Variants in MAML3 observed in about 807,000 individuals in gnomAD.
MAML3 encodes the protein mastermind like transcriptional coactivator 3, also known as mastermind-like protein 3.
In MAML3, 27 loss-of-function variants were observed where a neutral mutation model predicts 101.9. The ratio of observed to expected loss-of-function variants is 0.27; its 90% CI spans 0.20 to 0.37. The LOEUF (loss-of-function observed/expected upper bound fraction) is 0.37, where lower values mean the gene tolerates loss of function less well. Ranked by LOEUF, MAML3 falls within the 10% of genes least tolerant of loss-of-function variation. The probability of loss-of-function intolerance (pLI) is 1.00; values close to 1 mark genes in which losing one functional copy is unlikely to be tolerated. For missense variants in MAML3, 1,316 were observed against 1,444.9 expected, an observed-to-expected ratio of 0.91 and a Z score of 1.45; for synonymous variants, 501 against 555.9, an observed-to-expected ratio of 0.90 and a Z score of 1.39.
chr4:139,739,720 TA>T (rs59259375), intron 2 of MAML3, among the ~76,000 whole-genome samples: 29,999 of 134,100 alleles, frequency 0.22, 3,617 homozygotes, highest in African/African-American at 0.35. Flanking sequence ...GTGTTAAAAC[TA>T]AAAAAAAAAA....
At chr4:140,069,886 C>A (rs967612241) in intron 1 of MAML3, among the ~76,000 whole-genome samples, 4 of 151,576 alleles carry the variant, frequency 2.6e-5, no homozygotes, top group Admixed American at 2.0e-4. Context: ...GAGGCCGAGG[C>A]TGGCGGATTA....
chr4:139,914,998 G>GTT (rs112601837), intron 1 of MAML3, among the ~76,000 whole-genome samples: 19,435 of 152,074 alleles, frequency 0.13, 3,883 homozygotes, highest in African/African-American at 0.43. Context: ...CTTAAAACCA[G>GTT]TGGCTAAGGA....
chr4:139,802,740 G>T (rs1449534491), intron 2 of MAML3, among the ~76,000 whole-genome samples: 1 of 152,212 alleles, frequency 6.6e-6, no homozygotes. Context: ...TGACAGTTAA[G>T]TGTGGGCCTC....
At chr4:139,829,058 AAAG>A (rs1336841750) in intron 2 of MAML3, among the ~76,000 whole-genome samples, 2 of 150,222 alleles carry the variant, frequency 1.3e-5, no homozygotes, top group Non-Finnish European at 3.0e-5. Flanking sequence ...GGGAGGAAGG[AAAG>A]AAGGAAGGAA....
chr4:139,981,039 T>A (rs914039897), intron 1 of MAML3, among the ~76,000 whole-genome samples: 2 of 152,182 alleles, frequency 1.3e-5, no homozygotes, highest in African/African-American at 4.8e-5. Context: ...AGTATATTAG[T>A]TTCCTAGAGC....
chr4:139,859,277 A>C (rs1578634127), intron 2 of MAML3, among the ~76,000 whole-genome samples: 1 of 146,442 alleles, frequency 6.8e-6, no homozygotes, highest in South Asian at 2.1e-4. Flanking sequence ...CCCAGGCTGG[A>C]GTGCAGTGGC....
intron 1 of MAML3, among the ~76,000 whole-genome samples, chr4:140,148,728 T>G (rs1729105585): frequency 6.6e-6 from 1 of 152,242 alleles, no homozygotes; most frequent in Non-Finnish European, 1.5e-5. Context: ...TATGTTGACA[T>G]TTCCTGAATC....
chr4:139,994,674 G>T (rs577133752), intron 1 of MAML3, among the ~76,000 whole-genome samples: 19 of 152,182 alleles, frequency 1.2e-4, no homozygotes, highest in East Asian at 7.7e-4. Context: ...TTAAATGAAT[G>T]AATTAATTAA....
chr4:140,023,517 C>A (rs1269411664), intron 1 of MAML3, among the ~76,000 whole-genome samples: 1 of 152,196 alleles, frequency 6.6e-6, no homozygotes, highest in African/African-American at 2.4e-5. Context: ...GCGAAGTACT[C>A]ACATTGCAAA....
intron 2 of MAML3, among the ~76,000 whole-genome samples, chr4:139,746,671 T>G (rs1729333838): frequency 2.0e-5 from 3 of 152,190 alleles, no homozygotes; most frequent in Admixed American, 2.0e-4. Context: ...CCGCAGACGT[T>G]TGACACTGGA....
At chr4:140,002,005 C>T (rs1030546856) in intron 1 of MAML3, among the ~76,000 whole-genome samples, 2 of 151,870 alleles carry the variant, frequency 1.3e-5, no homozygotes, top group Non-Finnish European at 1.5e-5. Context: ...TATGCAATGG[C>T]TAAATTGAGC....
intron 1 of MAML3, among the ~76,000 whole-genome samples, chr4:139,964,121 G>T (rs548579740): frequency 1.3e-5 from 2 of 152,096 alleles, no homozygotes; most frequent in African/African-American, 4.8e-5. Flanking sequence ...AATATAAATC[G>T]TTCTACTATA....
At chr4:140,050,221 T>C (rs1349701880) in intron 1 of MAML3, among the ~76,000 whole-genome samples, 1 of 152,108 alleles carries the variant, frequency 6.6e-6, no homozygotes, top group Non-Finnish European at 1.5e-5. Context: ...CGCCAAACTT[T>C]AGAAGGATTA....
At chr4:139,817,192 A>G (rs1578615072) in intron 2 of MAML3, among the ~76,000 whole-genome samples, 1 of 152,146 alleles carries the variant, frequency 6.6e-6, no homozygotes, top group Admixed American at 6.5e-5. Flanking sequence ...AAATGCTTCT[A>G]TGTACTTAGA....
At chr4:140,076,401 T>C (rs1251078711) in intron 1 of MAML3, among the ~76,000 whole-genome samples, 8 of 152,190 alleles carry the variant, frequency 5.3e-5, no homozygotes. Flanking sequence ...GCAAACTTCC[T>C]GGCTGGTGGA....
At chr4:139,900,721 T>C (rs1196160560) in intron 1 of MAML3, among the ~76,000 whole-genome samples, 1 of 152,222 alleles carries the variant, frequency 6.6e-6, no homozygotes, top group Admixed American at 6.5e-5. Context: ...CCATATGATT[T>C]TCAAATCTCA....
intron 2 of MAML3, among the ~76,000 whole-genome samples, chr4:139,836,799 G>A (rs556360203): frequency 6.6e-6 from 1 of 152,160 alleles, no homozygotes; most frequent in East Asian, 1.9e-4. Flanking sequence ...GACAGTATGA[G>A]AAACTTTCAG....
At chr4:140,060,931 G>A (rs182835299) in intron 1 of MAML3, among the ~76,000 whole-genome samples, 11 of 152,316 alleles carry the variant, frequency 7.2e-5, no homozygotes, top group African/African-American at 2.2e-4. Flanking sequence ...AAATTCAGCA[G>A]AGCATCATCT....
At chr4:139,808,716 C>T (rs539910231) in intron 2 of MAML3, among the ~76,000 whole-genome samples, 2 of 152,366 alleles carry the variant, frequency 1.3e-5, no homozygotes, top group Admixed American at 1.3e-4. Flanking sequence ...CCCTCCCAAA[C>T]TGTACTCAGA....
Sources: allele counts gnomAD v4.1 joint callset (sites outside exome capture counted in the v4.1 genomes callset), GRCh38; gene constraint gnomAD v4.1.1; transcripts MANE v1.5; gene names NCBI Gene and HGNC (gene_info 2026-07-23, HGNC 2026-07-21).